CFDP1: variants seen among roughly 807,000 people sequenced by gnomAD.
CFDP1 encodes chromatin remodeling protein CFDP1.
CFDP1 carries 31 observed loss-of-function variants against 40.1 expected under a neutral mutation model. The observed-to-expected ratio is 0.77, with a 90% CI of 0.58 to 1.04. The LOEUF (loss-of-function observed/expected upper bound fraction) is 1.04. Among genes scored for constraint, CFDP1 ranks in the 50% least tolerant of loss-of-function variants. The pLI, the probability that CFDP1 is intolerant of heterozygous loss-of-function variation, is 0.00. For missense variants in CFDP1, 423 were observed against 343.4 expected, an observed-to-expected ratio of 1.23 and a Z score of -1.83; for synonymous variants, 167 against 120.0, an observed-to-expected ratio of 1.39 and a Z score of -2.56.
At position 75,347,978 on chromosome 16, in the gene CFDP1, G is replaced by A. The variant is rs192860783; in HGVS notation, c.651-42796C>T. Among the ~76,000 whole-genome samples, 24 of 152,296 alleles carry A rather than the reference G, an allele frequency of 1.6e-4. No homozygotes were observed. In the East Asian group the frequency reaches 1.9e-3, roughly 12 times the overall value. Reference sequence around the variant, plus strand: ...AATATAGGCTGAGAAACTGTCATGGGGCGGGAGAAGACTAAGGAGACATGA... The same window carrying A: ...AATATAGGCTGAGAAACTGTCATGGAGCGGGAGAAGACTAAGGAGACATGA... On this transcript the variant is annotated intron_variant, in intron 5 of 6. Coordinates refer to ENST00000283882, the MANE Select transcript of CFDP1 (RefSeq NM_006324.3).
chr16:75,419,841 A>T (rs9940447), intron 1 of CFDP1, among the ~76,000 whole-genome samples: 32 of 152,198 alleles, frequency 2.1e-4, no homozygotes, highest in African/African-American at 7.7e-4. Flanking sequence ...ATAATCAAGA[A>T]ATAACCATAA....
chr16:75,433,468 C>T lies in CFDP1; in HGVS notation c.-116G>A. ...GGCGGCGACGGCAGCTAGGGCGGCC[C>T]CCGACAGCGCTTTGCACATGCGCAG... is the stretch of plus-strand genomic sequence containing the variant. On this transcript the variant is annotated 5_prime_UTR_variant, in exon 1 of 7. Coordinates refer to ENST00000283882, the MANE Select transcript of CFDP1 (RefSeq NM_006324.3). 1.1e-6 allele frequency: 1 copy of T among 929,246 alleles called. No homozygotes were observed. The highest frequency in any genetic ancestry group is 1.7e-6 in the Non-Finnish European group (1 of 600,850). The allele number at this position is 929,246 out of a possible 1,614,324, so 57.6% of individuals were successfully genotyped here.
At chr16:75,415,574 C>T (rs1011096316) in intron 1 of CFDP1, among the ~76,000 whole-genome samples, 7 of 152,190 alleles carry the variant, frequency 4.6e-5, no homozygotes, top group East Asian at 1.9e-4. Flanking sequence ...TCTAAAGTCA[C>T]GGGTTAGTTT....
At chr16:75,432,777 A>G (rs925281253) in intron 1 of CFDP1, among the ~76,000 whole-genome samples, 1 of 152,220 alleles carries the variant, frequency 6.6e-6, no homozygotes, top group African/African-American at 2.4e-5. Context: ...ATCCCTAAGG[A>G]AAGAAAGTTC....
At position 75,311,914 on chromosome 16, in the gene CFDP1, G is replaced by C. The variant is rs989630791; in HGVS notation, c.651-6732C>G. Among the ~76,000 whole-genome samples the C allele has an allele frequency of 2.0e-5, 3 of 151,582 alleles. 1 individual carries two copies. The highest frequency in any genetic ancestry group is 7.3e-5 in the African/African-American group (3 of 41,238). ...ACAATTGCATCCATCAGGAATTTTTGTAGCTCATTCATGAACTATTAATAT... is the reference window on the plus strand; with the variant it reads ...ACAATTGCATCCATCAGGAATTTTTCTAGCTCATTCATGAACTATTAATAT... On this transcript the variant is annotated intron_variant, in intron 5 of 6. Transcript: ENST00000283882.
intron 4 of CFDP1, among the ~76,000 whole-genome samples, chr16:75,401,928 T>C (rs2079058579): frequency 6.6e-6 from 1 of 152,194 alleles, no homozygotes; most frequent in Admixed American, 6.5e-5. Flanking sequence ...AGCAAGTCAT[T>C]GTAATACATG....
chr16:75,359,104 C>T (rs1412649187), intron 5 of CFDP1, among the ~76,000 whole-genome samples: 1 of 152,142 alleles, frequency 6.6e-6, no homozygotes, highest in African/African-American at 2.4e-5. Context: ...GCCAAAACAA[C>T]TGATTAAAAT....
chr16:75,345,078 C>A (rs182839953), intron 5 of CFDP1, among the ~76,000 whole-genome samples: 1 of 151,894 alleles, frequency 6.6e-6, no homozygotes, highest in Non-Finnish European at 1.5e-5. Flanking sequence ...GCAATCCCAG[C>A]ACTTTGGGAG....
intron 5 of CFDP1, among the ~76,000 whole-genome samples, chr16:75,359,161 A>C (rs909309224): frequency 6.6e-6 from 1 of 152,254 alleles, no homozygotes; most frequent in Non-Finnish European, 1.5e-5. Flanking sequence ...TCTTCGATTA[A>C]GCGAGATATT....
At chr16:75,393,379 A>C (rs1362355665) in intron 5 of CFDP1, among the ~76,000 whole-genome samples, 1 of 152,184 alleles carries the variant, frequency 6.6e-6, no homozygotes, top group Non-Finnish European at 1.5e-5. Flanking sequence ...AATGCAACCT[A>C]AGAGAGTATA....
chr16:75,364,633 G>T (rs1365812428), intron 5 of CFDP1, among the ~76,000 whole-genome samples: 1 of 152,078 alleles, frequency 6.6e-6, no homozygotes, highest in African/African-American at 2.4e-5. Context: ...TAAAAGATTT[G>T]TAAAAATGTA....
chr16:75,395,167 G>C lies in CFDP1; in HGVS notation c.573C>G (p.Ser191=). 2 of 1,613,730 alleles carry C rather than the reference G, an allele frequency of 1.2e-6. No individual in the cohort carries two copies. The highest frequency in any genetic ancestry group is 1.1e-5 in the South Asian group (1 of 91,064). Residue 191 remains serine (S), a synonymous_variant, in exon 5 of 7, where the codon TCC becomes TCG. Transcript: ENST00000283882. ...TTTCTTTCTCATTCTGCTTGAAGAAGGATTTGGCCTCTTTAGATGTAGCAT... is the reference window on the plus strand; with the variant it reads ...TTTCTTTCTCATTCTGCTTGAAGAACGATTTGGCCTCTTTAGATGTAGCAT... ...EVDATSKEAK[S]FFKQNEKEKP...
rs149291786 is a variant in CFDP1, at chr16:75,347,299, G to A, written c.651-42117C>T. Among the ~76,000 whole-genome samples the A allele has an allele frequency of 3.6e-3, 471 of 132,162 alleles. 2 individuals are homozygous for A. Among genetic ancestry groups the A allele is most frequent in the African/African-American group, 0.012 (435 of 35,712 alleles). 86.7% of individuals were successfully genotyped at this position (132,162 alleles called of 152,430 possible). ...GCGGAGGTTACAGTGAGCCGAGATC[G>A]GACCATTGCACTCCAGCCCTGGCGA... is the stretch of plus-strand genomic sequence containing the variant. On this transcript the variant is annotated intron_variant, in intron 5 of 6. Transcript: ENST00000283882.
chr16:75,416,496 C>T (rs1292103141), intron 1 of CFDP1, among the ~76,000 whole-genome samples: 2 of 149,824 alleles, frequency 1.3e-5, no homozygotes, highest in Non-Finnish European at 3.0e-5. Context: ...ACCAGTGGCT[C>T]ACGCCTATAA....
chr16:75,316,151 T>G (rs754792705), intron 5 of CFDP1, among the ~76,000 whole-genome samples: 1 of 152,174 alleles, frequency 6.6e-6, no homozygotes, highest in African/African-American at 2.4e-5. Flanking sequence ...TACTGCACCA[T>G]CATCAGAGGC....
At chr16:75,378,543 A>C (rs2078822672) in intron 5 of CFDP1, among the ~76,000 whole-genome samples, 1 of 152,184 alleles carries the variant, frequency 6.6e-6, no homozygotes, top group South Asian at 2.1e-4. Flanking sequence ...AAATACTATA[A>C]ATTATTTGCC....
chr16:75,333,455 CAGA>C (rs933831129), intron 5 of CFDP1, among the ~76,000 whole-genome samples: 2 of 152,008 alleles, frequency 1.3e-5, no homozygotes, highest in East Asian at 1.9e-4. Flanking sequence ...TTTCGATGGG[CAGA>C]AGGAGGATTA....
At chr16:75,388,471 C>A (rs950898716) in intron 5 of CFDP1, among the ~76,000 whole-genome samples, 1 of 152,068 alleles carries the variant, frequency 6.6e-6, no homozygotes, top group East Asian at 1.9e-4. Flanking sequence ...CTACAGGAAC[C>A]ATGCAGGTAA....
intron 5 of CFDP1, among the ~76,000 whole-genome samples, chr16:75,317,401 C>A (rs1010006241): frequency 2.0e-5 from 3 of 152,282 alleles, no homozygotes; most frequent in African/African-American, 7.2e-5. Flanking sequence ...GGAGTCCTGG[C>A]AAAGCAGAGA....
Sources: allele counts gnomAD v4.1 joint callset (sites outside exome capture counted in the v4.1 genomes callset), GRCh38; gene constraint gnomAD v4.1.1; transcripts MANE v1.5; gene names NCBI Gene and HGNC (gene_info 2026-07-23, HGNC 2026-07-21).